EIPR1: variants seen among roughly 807,000 people sequenced by gnomAD.
EIPR1 encodes EARP and GARP complex-interacting protein 1.
EIPR1 carries 25 observed loss-of-function variants against 48.1 expected under a neutral mutation model. The observed-to-expected ratio is 0.52, with a 90% CI of 0.38 to 0.73. The LOEUF (loss-of-function observed/expected upper bound fraction) is 0.73. EIPR1 is among the 30% of genes least tolerant of loss of function. The probability of loss-of-function intolerance (pLI) is 0.00; values close to 1 mark genes in which losing one functional copy is unlikely to be tolerated. For missense variants in EIPR1, 415 were observed against 506.2 expected (o/e 0.82, Z 1.73); for synonymous variants, 204 against 201.9 (o/e 1.01, Z -0.09).
intron 3 of EIPR1, among the ~76,000 whole-genome samples, chr2:3,282,199 C>G (rs1184645593): frequency 6.6e-6 from 1 of 152,348 alleles, no homozygotes; most frequent in East Asian, 1.9e-4. Context: ...TTGGTGTCGG[C>G]AACCATCACC....
At chr2:3,289,485 T>G (rs1323545422) in intron 3 of EIPR1, among the ~76,000 whole-genome samples, 1 of 152,258 alleles carries the variant, frequency 6.6e-6, no homozygotes, top group East Asian at 1.9e-4. Flanking sequence ...CTGGGAGCCA[T>G]GCCCTGCTCC....
rs142728355 is a variant in EIPR1 at position 3,309,916 on chromosome 2, G to A, written c.259+28101C>T. ...GGTAGGATTCTCCCTGCAGGCTCTG[G>A]CAGCGCCCCTGTGTACGCACAGGTG... On this transcript the variant is annotated intron_variant, in intron 3 of 8. Coordinates refer to ENST00000382125, the MANE Select transcript of EIPR1 (RefSeq NM_003310.5). 1.2e-3 allele frequency among the ~76,000 whole-genome samples: 184 copies of A among 152,246 alleles called. 1 individual carries two copies. Among genetic ancestry groups the A allele is most frequent in the Non-Finnish European group, 2.0e-3 (138 of 68,002 alleles).
intron 3 of EIPR1, among the ~76,000 whole-genome samples, chr2:3,328,363 C>T (rs1001671426): frequency 6.6e-6 from 1 of 152,112 alleles, no homozygotes; most frequent in African/African-American, 2.4e-5. Context: ...AGCCCACCCA[C>T]CACACTCTAA....
At position 3,197,011 on chromosome 2, in the gene EIPR1, T is replaced by C. The variant is rs922060288; in HGVS notation, c.523A>G (p.Ser175Gly). 1.9e-6 allele frequency: 3 copies of C among 1,613,720 alleles called. No homozygotes were observed. The highest frequency in any genetic ancestry group is 2.5e-6 in the Non-Finnish European group (3 of 1,179,968). Residue 175 changes from serine to glycine, a missense_variant, in exon 6 of 9, where the codon AGC becomes GGC. Physicochemically the swap from Ser to Gly is moderately conservative, Grantham distance 56. Coordinates refer to ENST00000382125, the MANE Select transcript of EIPR1 (RefSeq NM_003310.5). ...QESSSQAVLA[S>G]SASLEGKGQL... is the part of the protein sequence containing the mutation. ...CCCTTCCCTTCCAGGGACGCTGAGC[T>C]GGCCAGCTGGGAGTGTCACGATGTT...
chr2:3,321,830 G>A (rs1391428048), intron 3 of EIPR1, among the ~76,000 whole-genome samples: 2 of 152,146 alleles, frequency 1.3e-5, no homozygotes, highest in Admixed American at 1.3e-4. Context: ...GACCAGGCGG[G>A]CACATCAGAC....
At chr2:3,191,467 G>A (rs1293182967) in intron 8 of EIPR1, among the ~76,000 whole-genome samples, 1 of 152,230 alleles carries the variant, frequency 6.6e-6, no homozygotes, top group African/African-American at 2.4e-5. Context: ...TGAAGAAAGA[G>A]GTCTTCTCAC....
chr2:3,266,423 C>T (rs779823475), intron 3 of EIPR1, among the ~76,000 whole-genome samples: 4 of 152,186 alleles, frequency 2.6e-5, no homozygotes, highest in Non-Finnish European at 4.4e-5. Flanking sequence ...AAGATCTGGG[C>T]CTAAAAATAC....
intron 3 of EIPR1, among the ~76,000 whole-genome samples, chr2:3,260,583 G>T (rs1047593997): frequency 6.6e-6 from 1 of 151,886 alleles, no homozygotes; most frequent in Non-Finnish European, 1.5e-5. Context: ...CAAAAGAAAA[G>T]AAAAGACAGA....
At chr2:3,374,480 T>C (rs1488999272) in intron 1 of EIPR1, among the ~76,000 whole-genome samples, 1 of 152,040 alleles carries the variant, frequency 6.6e-6, no homozygotes, top group African/African-American at 2.4e-5. Flanking sequence ...AACCTGCTCA[T>C]CTGACAAAGG....
At chr2:3,239,128 C>A (rs1666511482) in intron 4 of EIPR1, among the ~76,000 whole-genome samples, 1 of 152,212 alleles carries the variant, frequency 6.6e-6, no homozygotes, top group South Asian at 2.1e-4. Context: ...GCAGACCCCA[C>A]CCGGCCACTG....
chr2:3,290,744 C>T (rs1286687839), intron 3 of EIPR1, among the ~76,000 whole-genome samples: 3 of 152,176 alleles, frequency 2.0e-5, no homozygotes, highest in Non-Finnish European at 4.4e-5. Context: ...TGGGGCTGAG[C>T]GCACTTGCTG....
intron 5 of EIPR1, chr2:3,209,051 C>G: frequency 7.0e-7 from 1 of 1,437,578 alleles, no homozygotes. Context: ...TTTTCCGGGA[C>G]GCCTGCTGGT....
At chr2:3,263,941 C>T (rs1667411789) in intron 3 of EIPR1, among the ~76,000 whole-genome samples, 1 of 152,202 alleles carries the variant, frequency 6.6e-6, no homozygotes, top group African/African-American at 2.4e-5. Context: ...ATTTGCATTA[C>T]CTTACATACT....
At chr2:3,204,283 T>C (rs1665147523) in intron 5 of EIPR1, among the ~76,000 whole-genome samples, 1 of 152,222 alleles carries the variant, frequency 6.6e-6, no homozygotes, top group Non-Finnish European at 1.5e-5. Flanking sequence ...ACTCCATTGG[T>C]CATGCTAACG....
intron 3 of EIPR1, among the ~76,000 whole-genome samples, chr2:3,335,999 G>A (rs1291123800): frequency 1.3e-5 from 2 of 152,184 alleles, no homozygotes; most frequent in African/African-American, 4.8e-5. Flanking sequence ...CCGAGGACGG[G>A]CCACACTGCA....
intron 3 of EIPR1, among the ~76,000 whole-genome samples, chr2:3,336,163 T>G (rs1206886048): frequency 6.6e-6 from 1 of 152,114 alleles, no homozygotes; most frequent in Non-Finnish European, 1.5e-5. Context: ...GGCAGTCCCT[T>G]GGCCATCTTA....
At chr2:3,297,376 T>C (rs1187760155) in intron 3 of EIPR1, among the ~76,000 whole-genome samples, 1 of 152,240 alleles carries the variant, frequency 6.6e-6, no homozygotes, top group Admixed American at 6.5e-5. Context: ...ACACCGCTGG[T>C]GAGGCAAGTG....
intron 3 of EIPR1, among the ~76,000 whole-genome samples, chr2:3,303,202 A>C (rs1388105198): frequency 6.6e-6 from 1 of 152,186 alleles, no homozygotes; most frequent in African/African-American, 2.4e-5. Flanking sequence ...CCGGCTGATT[A>C]AGCAGAAAAG....
intron 3 of EIPR1, among the ~76,000 whole-genome samples, chr2:3,327,446 A>C (rs1006488914): frequency 6.6e-6 from 1 of 152,188 alleles, no homozygotes; most frequent in Non-Finnish European, 1.5e-5. Context: ...GGCCTCCCAT[A>C]GTGCTGGGAT....
Sources: allele counts gnomAD v4.1 joint callset (sites outside exome capture counted in the v4.1 genomes callset), GRCh38; gene constraint gnomAD v4.1.1; transcripts MANE v1.5; gene names NCBI Gene and HGNC (gene_info 2026-07-23, HGNC 2026-07-21).